Variants in SH3RF2 observed in about 807,000 individuals in gnomAD.
SH3RF2 encodes E3 ubiquitin-protein ligase SH3RF2.
In SH3RF2, 43 loss-of-function variants were observed where a neutral mutation model predicts 59.0. The observed-to-expected ratio is 0.73, with a 90% CI of 0.57 to 0.94. The LOEUF (loss-of-function observed/expected upper bound fraction) is 0.94, where lower values mean the gene tolerates loss of function less well. Among genes scored for constraint, SH3RF2 ranks in the 40% least tolerant of loss-of-function variants. SH3RF2 has a pLI of 0.00. For missense variants in SH3RF2, 930 were observed against 940.1 expected (o/e 0.99, Z 0.14); for synonymous variants, 391 against 391.5 (o/e 1.00, Z 0.01).
rs746121689 is a variant in SH3RF2 at position 146,000,092 on chromosome 5, G to A, written c.413G>A (p.Gly138Glu). 8.1e-6 allele frequency: 13 copies of A among 1,613,272 alleles called. No individual in the cohort carries two copies. The highest frequency in any genetic ancestry group is 3.3e-4 in the Middle Eastern group (2 of 6,080). ...PRAKALCNYR[G>E]QNPGDLRFNK... ...GCAAAGGCCTTATGCAACTACAGAG[G>A]GCAGAATCCCGGTGACCTAAGGTTT... Residue 138 changes from glycine (G) to glutamate (E), a missense_variant, in exon 3 of 10, where the codon GGG becomes GAG. Physicochemically the swap from Gly to Glu is moderately conservative, Grantham distance 98. Transcript: ENST00000359120.
At chr5:146,011,068 G>A (rs1196206279) in intron 4 of SH3RF2, among the ~76,000 whole-genome samples, 2 of 152,166 alleles carry the variant, frequency 1.3e-5, no homozygotes, top group Non-Finnish European at 2.9e-5. Context: ...AAGGTGTAAG[G>A]AAGGGATCCA....
chr5:146,033,506 T>C (rs1761817338), intron 5 of SH3RF2, among the ~76,000 whole-genome samples: 1 of 142,472 alleles, frequency 7.0e-6, no homozygotes, highest in Non-Finnish European at 1.5e-5. Context: ...GTTTCACTCT[T>C]GTTGCCCAGG....
rs202171807 is a variant in SH3RF2, at chr5:146,013,791, C to T, written c.789C>T (p.Arg263=). Residue 263 remains arginine, a synonymous_variant, in exon 5 of 10, where the codon CGC becomes CGT. Transcript: ENST00000359120. ...ARHLLEKNKG[R]QSSRTKNLSL... ...ACCTTTTAGAGAAGAACAAAGGTCG[C>T]CAGTCATCCCGCACAAAAAACCTGT... 1 of 1,614,108 alleles carries T rather than the reference C, an allele frequency of 6.2e-7. No individual in the cohort carries two copies. The highest frequency in any genetic ancestry group is 8.5e-7 in the Non-Finnish European group (1 of 1,180,010).
At chr5:146,001,193 TTAAC>T (rs529261711) in intron 3 of SH3RF2, among the ~76,000 whole-genome samples, 5 of 152,250 alleles carry the variant, frequency 3.3e-5, no homozygotes, top group Non-Finnish European at 7.3e-5. Flanking sequence ...CTACACTACT[TTAAC>T]TATCTGTATT....
chr5:146,048,765 CT>C (rs2150014753), intron 6 of SH3RF2, among the ~76,000 whole-genome samples: 1 of 152,282 alleles, frequency 6.6e-6, no homozygotes, highest in Admixed American at 6.5e-5. Context: ...TCTTTACCCC[CT>C]GACTCATACT....
intron 8 of SH3RF2, 124 bp downstream of exon 8, chr5:146,056,337 A>G: frequency 7.1e-7 from 1 of 1,413,724 alleles, no homozygotes; most frequent in Non-Finnish European, 9.5e-7. Flanking sequence ...TGCAAAGGGT[A>G]TTATACAATT....
At chr5:146,041,404 G>A (rs62392692) in intron 5 of SH3RF2, among the ~76,000 whole-genome samples, 3,290 of 152,284 alleles carry the variant, frequency 0.022, 127 homozygotes, top group African/African-American at 0.074. Flanking sequence ...TACACTGTGA[G>A]CTCCACATGA....
intron 2 of SH3RF2, 74 bp from the exon 3 acceptor site, chr5:145,999,984 G>C: frequency 6.5e-7 from 1 of 1,531,580 alleles, no homozygotes; most frequent in Non-Finnish European, 8.8e-7. Context: ...TACAATAAAA[G>C]GGGGAATGCT....
At chr5:145,975,472 A>G (rs1352677659) in intron 2 of SH3RF2, among the ~76,000 whole-genome samples, 1 of 152,212 alleles carries the variant, frequency 6.6e-6, no homozygotes, top group Non-Finnish European at 1.5e-5. Flanking sequence ...AAAGAAAGGT[A>G]TTTGGATATC....
chr5:146,047,583 TA>T (rs1437439570), intron 5 of SH3RF2, among the ~76,000 whole-genome samples, 188 bp from the exon 6 acceptor site: 1 of 152,000 alleles, frequency 6.6e-6, no homozygotes, highest in Non-Finnish European at 1.5e-5. Flanking sequence ...CACCAGGCCA[TA>T]AACCAGCTCC....
chr5:146,064,610 A>AGAGG, downstream of SH3RF2, among the ~76,000 whole-genome samples: 1 of 55,322 alleles, frequency 1.8e-5, no homozygotes, highest in African/African-American at 7.6e-5. Context: ...AGAGAGAGAG[A>AGAGG]GAGAGGGAGA....
chr5:145,999,985 G>T, intron 2 of SH3RF2, 73 bp from the exon 3 acceptor site: 1 of 1,532,610 alleles, frequency 6.5e-7, no homozygotes. Context: ...ACAATAAAAG[G>T]GGGAATGCTT....
At chr5:146,063,550 T>C (rs1762971877), downstream of SH3RF2, among the ~76,000 whole-genome samples, 1 of 152,166 alleles carries the variant, frequency 6.6e-6, no homozygotes, top group South Asian at 2.1e-4. Flanking sequence ...TTTAGATATA[T>C]AGTCTGACTT....
chr5:146,060,554 T>C (rs191234419), intron 9 of SH3RF2, among the ~76,000 whole-genome samples: 14 of 152,344 alleles, frequency 9.2e-5, no homozygotes, highest in Non-Finnish European at 1.9e-4. Flanking sequence ...TGCTGCTTGC[T>C]AGCTGGGTGA....
intron 5 of SH3RF2, among the ~76,000 whole-genome samples, chr5:146,026,174 A>G (rs745923244): frequency 2.0e-5 from 3 of 152,208 alleles, no homozygotes; most frequent in Non-Finnish European, 4.4e-5. Flanking sequence ...TGGCAGGAAA[A>G]GGTACTTCCT....
At chr5:146,060,869 GT>G (rs1762863442) in intron 9 of SH3RF2, among the ~76,000 whole-genome samples, 2 of 152,216 alleles carry the variant, frequency 1.3e-5, no homozygotes, top group African/African-American at 4.8e-5. Flanking sequence ...AGACGTGAGA[GT>G]TTTTGTAAAA....
At chr5:146,024,762 T>C (rs1476962866) in intron 5 of SH3RF2, among the ~76,000 whole-genome samples, 2 of 152,236 alleles carry the variant, frequency 1.3e-5, no homozygotes, top group African/African-American at 2.4e-5. Context: ...TGCATTCTTC[T>C]ACCTGTAGAT....
intron 2 of SH3RF2, among the ~76,000 whole-genome samples, chr5:145,962,888 CTTT>C (rs1168517787): frequency 2.1e-4 from 22 of 104,554 alleles, no homozygotes; most frequent in African/African-American, 8.7e-4. Context: ...TATTATTCCA[CTTT>C]TTTTTTTTTT....
At chr5:146,039,065 G>A (rs1762039687) in intron 5 of SH3RF2, among the ~76,000 whole-genome samples, 1 of 152,202 alleles carries the variant, frequency 6.6e-6, no homozygotes, top group South Asian at 2.1e-4. Context: ...AGAAGGGAAG[G>A]ATGAACTATG....
Sources: allele counts gnomAD v4.1 joint callset (sites outside exome capture counted in the v4.1 genomes callset), GRCh38; gene constraint gnomAD v4.1.1; transcripts MANE v1.5; gene names NCBI Gene and HGNC (gene_info 2026-07-23, HGNC 2026-07-21).